Variants in NFATC3 observed in about 807,000 individuals in gnomAD.
NFATC3 encodes nuclear factor of activated T-cells, cytoplasmic 3.
NFATC3 carries 46 observed loss-of-function variants against 98.6 expected under a neutral mutation model. The observed-to-expected ratio is 0.47, with a 90% CI of 0.37 to 0.60. NFATC3 has a LOEUF of 0.60. Among genes scored for constraint, NFATC3 ranks in the 20% least tolerant of loss-of-function variants. NFATC3 has a pLI of 0.00. For synonymous variants in NFATC3, 512 were observed against 472.2 expected (o/e 1.08, Z -1.09); for missense variants, 1,256 against 1,295.5 (o/e 0.97, Z 0.47).
intron 9 of NFATC3, chr16:68,209,609 C>T (rs1366935733): frequency 5.5e-6 from 2 of 360,416 alleles, no homozygotes; most frequent in Non-Finnish European, 1.1e-5. Context: ...TGTGTGTTTG[C>T]ATCCAACTGT....
chr16:68,093,565 A>G (rs2034844662), intron 1 of NFATC3, among the ~76,000 whole-genome samples: 1 of 152,146 alleles, frequency 6.6e-6, no homozygotes, highest in Non-Finnish European at 1.5e-5. Context: ...GCAACCTATA[A>G]TTTTGATCAT....
At chr16:68,163,615 G>C (rs1409877635) in intron 4 of NFATC3, among the ~76,000 whole-genome samples, 1 of 151,586 alleles carries the variant, frequency 6.6e-6, no homozygotes, top group African/African-American at 2.4e-5. Context: ...CGGGGCGGCT[G>C]CCGGGCGGAT....
intron 2 of NFATC3, among the ~76,000 whole-genome samples, chr16:68,124,815 C>T (rs567359290): frequency 1.2e-4 from 18 of 152,072 alleles, no homozygotes; most frequent in East Asian, 5.8e-4. Context: ...CTGCCATCTC[C>T]GCCTTCCAGG....
chr16:68,098,288 ATTATTATTATTATTTTTTT>A (rs1219481172), intron 1 of NFATC3, among the ~76,000 whole-genome samples: 1 of 109,594 alleles, frequency 9.1e-6, no homozygotes, highest in Non-Finnish European at 1.8e-5. Flanking sequence ...TATTATTATT[ATTATTATTATTATTTTTTT>A]TTTTTTTTTT....
intron 2 of NFATC3, among the ~76,000 whole-genome samples, chr16:68,125,856 G>A (rs1186217488): frequency 3.9e-5 from 6 of 152,026 alleles, no homozygotes; most frequent in African/African-American, 9.7e-5. Context: ...AAACCAAAAT[G>A]AAGATAAGAT....
chr16:68,138,959 G>A (rs2037598527), intron 3 of NFATC3, among the ~76,000 whole-genome samples: 1 of 152,038 alleles, frequency 6.6e-6, no homozygotes, highest in Non-Finnish European at 1.5e-5. Flanking sequence ...ATCATTCATT[G>A]CTTAATTTAT....
intron 1 of NFATC3, among the ~76,000 whole-genome samples, chr16:68,116,382 A>G (rs1275081304): frequency 2.6e-5 from 4 of 152,154 alleles, no homozygotes; most frequent in Non-Finnish European, 5.9e-5. Context: ...ACATAAAAAC[A>G]TTCATAAGAC....
At chr16:68,088,332 T>A (rs12446011) in intron 1 of NFATC3, among the ~76,000 whole-genome samples, 1 of 147,434 alleles carries the variant, frequency 6.8e-6, no homozygotes, top group South Asian at 2.1e-4. Flanking sequence ...ACTATATATA[T>A]AATATATAAC....
chr16:68,089,890 A>G (rs1458883310), intron 1 of NFATC3, among the ~76,000 whole-genome samples: 1 of 152,188 alleles, frequency 6.6e-6, no homozygotes, highest in Non-Finnish European at 1.5e-5. Context: ...GGAATGTGCT[A>G]TATACTATGT....
chr16:68,122,613 T>C lies in NFATC3; in HGVS notation c.730T>C (p.Ser244Pro). ...SLSPRQSPCH[S>P]PRSSVTDENW... ...ATCACCCAGGCAATCTCCTTGCCAC[T>C]CTCCTAGATCCAGTGTCACTGATGA... is the stretch of plus-strand genomic sequence containing the variant. Residue 244 changes from serine to proline, a missense_variant, in exon 2 of 10, where the codon TCT becomes CCT. By Grantham distance (74) the Ser-to-Pro change is moderately conservative. Transcript: ENST00000346183. 1 of 1,614,072 alleles carries C rather than the reference T, an allele frequency of 6.2e-7. No individual in the cohort carries two copies. The highest frequency in any genetic ancestry group is 8.5e-7 in the Non-Finnish European group (1 of 1,180,012).
intron 9 of NFATC3, among the ~76,000 whole-genome samples, chr16:68,202,290 C>G (rs2040958325): frequency 6.6e-6 from 1 of 151,988 alleles, no homozygotes; most frequent in African/African-American, 2.4e-5. Context: ...AACAGGGACT[C>G]TAGTCATGAC....
At chr16:68,105,667 G>A (rs1244434018) in intron 1 of NFATC3, among the ~76,000 whole-genome samples, 1 of 152,168 alleles carries the variant, frequency 6.6e-6, no homozygotes, top group Non-Finnish European at 1.5e-5. Flanking sequence ...GTGAGAAGTA[G>A]TGCTGTTAAT....
chr16:68,217,543 C>T (rs1407502947), intron 9 of NFATC3, among the ~76,000 whole-genome samples: 1 of 145,510 alleles, frequency 6.9e-6, no homozygotes, highest in African/African-American at 2.5e-5. Flanking sequence ...CTTAAATATT[C>T]TTCCTGTGTT....
intron 9 of NFATC3, chr16:68,212,300 G>A (rs1245414062): frequency 6.6e-6 from 1 of 152,008 alleles, no homozygotes; most frequent in African/African-American, 2.4e-5. Context: ...CTATAGTGAG[G>A]GTGCATTTTG....
intron 3 of NFATC3, among the ~76,000 whole-genome samples, chr16:68,132,330 T>C (rs1473536516): frequency 6.6e-6 from 1 of 152,150 alleles, no homozygotes; most frequent in Non-Finnish European, 1.5e-5. Context: ...GAAGAGATTC[T>C]GGTATAGTAT....
chr16:68,210,221 C>G (rs1297184524), intron 9 of NFATC3, among the ~76,000 whole-genome samples: 1 of 151,676 alleles, frequency 6.6e-6, no homozygotes, highest in African/African-American at 2.4e-5. Flanking sequence ...TGGCGTGAAC[C>G]CGGAAGGCGG....
intron 9 of NFATC3, among the ~76,000 whole-genome samples, chr16:68,223,539 CAA>C (rs1183572706): frequency 6.6e-6 from 1 of 152,118 alleles, no homozygotes; most frequent in Non-Finnish European, 1.5e-5. Context: ...CCCAGGAGTT[CAA>C]GTTTGAACCA....
rs138072833 is a variant in NFATC3 at position 68,166,718 on chromosome 16, A to G, written c.1602-125A>G. ...TTAGCAGTGAATAGCAATCATACAT[A>G]TCTTTCTTTTTTGACCTAATTTTGG... On this transcript the variant is annotated intron_variant, in intron 4 of 9. Transcript: ENST00000346183. 2,434 of 705,748 alleles carry G rather than the reference A, an allele frequency of 3.4e-3. 91 individuals are homozygous for G. The Admixed American group carries it at 0.06, about 17-fold the overall frequency. 43.7% of individuals were successfully genotyped at this position (705,748 alleles called of 1,614,324 possible). A position where few individuals can be genotyped will look rare whatever the true frequency, so the allele number is the denominator to read the frequency against.
chr16:68,210,700 A>G lies in NFATC3; in HGVS notation c.3107-15650A>G, dbSNP rs181978504. On this transcript the variant is annotated intron_variant, in intron 9 of 9. Coordinates refer to ENST00000346183, the MANE Select transcript of NFATC3 (RefSeq NM_173165.3). ...AAAACTCACTTGGTCTTAATGTATCATCCTTTTAATATGCTGCTGAATTGT... is the reference window on the plus strand; with the variant it reads ...AAAACTCACTTGGTCTTAATGTATCGTCCTTTTAATATGCTGCTGAATTGT... Among the ~76,000 whole-genome samples, 135 of 152,210 alleles carry G rather than the reference A, an allele frequency of 8.9e-4. 1 individual carries two copies. Among genetic ancestry groups the G allele is most frequent in the African/African-American group, 3.1e-3 (129 of 41,548 alleles).
Sources: gnomAD v4.1 joint callset for allele counts (sites outside exome capture counted in the v4.1 genomes callset) on GRCh38, gnomAD v4.1.1 for gene constraint, MANE v1.5 for transcripts, NCBI Gene and HGNC (gene_info 2026-07-23, HGNC 2026-07-21) for gene names.